The following ERCC6L2 variants were observed in gnomAD, a reference collection of about 807,000 sequenced individuals.
The protein encoded by ERCC6L2 is DNA excision repair protein ERCC-6-like 2.
Under a neutral mutation model 132.0 loss-of-function variants are expected in ERCC6L2, and 77 were observed. The observed-to-expected ratio is 0.58, with a 90% CI of 0.49 to 0.71. The LOEUF is 0.71. Ranked by LOEUF, ERCC6L2 falls within the 30% of genes least tolerant of loss-of-function variation. The probability of loss-of-function intolerance (pLI) is 0.00; values close to 1 mark genes in which losing one functional copy is unlikely to be tolerated. For synonymous variants in ERCC6L2, 583 were observed against 632.4 expected (o/e 0.92, Z 1.17); for missense variants, 1,542 against 1,837.6 (o/e 0.84, Z 2.94).
intron 13 of ERCC6L2, among the ~76,000 whole-genome samples, chr9:95,963,646 G>C (rs1430004574): frequency 6.6e-6 from 1 of 151,698 alleles, no homozygotes; most frequent in East Asian, 1.9e-4. Context: ...TTCCTTTCTG[G>C]TCCAGGGTTT....
At chr9:95,896,914 C>T (rs1416059328) in intron 2 of ERCC6L2, among the ~76,000 whole-genome samples, 1 of 152,056 alleles carries the variant, frequency 6.6e-6, no homozygotes, top group Admixed American at 6.6e-5. Context: ...GTTAAGTTTT[C>T]AGCTTTTATT....
chr9:95,907,311 G>T, intron 4 of ERCC6L2, 40 bp downstream of exon 4: 8 of 1,173,296 alleles, frequency 6.8e-6, no homozygotes, highest in East Asian at 2.6e-5. Context: ...TGTATTAATA[G>T]TCTACTTACA....
chr9:96,033,759 G>A (rs1834489094), intron 19 of ERCC6L2, among the ~76,000 whole-genome samples: 1 of 152,160 alleles, frequency 6.6e-6, no homozygotes, highest in South Asian at 2.1e-4. Flanking sequence ...GTTGTCATCT[G>A]GCAGATTTTT....
chr9:95,973,296 C>G (rs779417818), intron 16 of ERCC6L2, among the ~76,000 whole-genome samples: 6 of 152,144 alleles, frequency 3.9e-5, no homozygotes, highest in Admixed American at 2.0e-4. Context: ...AGGACCCCCT[C>G]CATGTGCCCA....
chr9:95,983,902 T>C (rs1687777638), intron 17 of ERCC6L2, among the ~76,000 whole-genome samples: 1 of 152,184 alleles, frequency 6.6e-6, no homozygotes, highest in South Asian at 2.1e-4. Flanking sequence ...TCGTGTTTTC[T>C]TGTGCTTTTC....
chr9:96,006,297 G>A (rs79761774), intron 18 of ERCC6L2, among the ~76,000 whole-genome samples: 4,576 of 152,310 alleles, frequency 0.03, 96 homozygotes, highest in East Asian at 0.13. Context: ...GTCCTGAAGT[G>A]CAGGAGTAGC....
At chr9:95,922,521 A>T (rs999730211) in intron 8 of ERCC6L2, 103 bp downstream of exon 8, 23 of 696,482 alleles carry the variant, frequency 3.3e-5, no homozygotes, top group Non-Finnish European at 4.1e-5. Context: ...GAAATTTAAG[A>T]GGAAACTGAT....
intron 3 of ERCC6L2, among the ~76,000 whole-genome samples, chr9:95,901,921 G>A (rs966811243): frequency 6.6e-6 from 1 of 152,132 alleles, no homozygotes; most frequent in Non-Finnish European, 1.5e-5. Context: ...TTAAAACAAT[G>A]TATGTTTTAA....
Position 95,902,115 on chromosome 9 carries a change from C to T in ERCC6L2, c.594+4144C>T, listed in dbSNP as rs1828810064. ...TATGTGTGTGTGATACGATACATCT[C>T]ATATACATTTAAAAACTTTTCAAGT... On this transcript the variant is annotated intron_variant, in intron 3 of 18. Coordinates refer to ENST00000653738, the MANE Select transcript of ERCC6L2 (RefSeq NM_020207.7). Among the ~76,000 whole-genome samples, 2 of 151,554 alleles carry T rather than the reference C, an allele frequency of 1.3e-5. 1 individual carries two copies. Among genetic ancestry groups the T allele is most frequent in the African/African-American group, 4.9e-5 (2 of 41,212 alleles).
intron 3 of ERCC6L2, among the ~76,000 whole-genome samples, chr9:95,902,017 T>A (rs974895269): frequency 1.3e-5 from 2 of 152,224 alleles, no homozygotes; most frequent in African/African-American, 4.8e-5. Context: ...TCTGAAAAAT[T>A]AATGTTGAAG....
chr9:96,021,023 G>A (rs1160897784), downstream of ERCC6L2: 2 of 455,248 alleles, frequency 4.4e-6, no homozygotes, highest in Non-Finnish European at 8.8e-6. The surrounding 1 kb of genome is among the most constrained non-coding windows in gnomAD (Gnocchi z 4.7). Context: ...AGTGTCGGGG[G>A]CTCGCAGCGC....
In ERCC6L2 at chr9:95,921,038, G is replaced by A. The variant is rs536005781; in HGVS notation, c.1159-137G>A. ...GATCCGCCCTCCTTGGCTTCCCAAA[G>A]TATTGGGATTACAGGCGTGAGCCTC... On this transcript the variant is annotated intron_variant, in intron 6 of 18. Coordinates refer to ENST00000653738, the MANE Select transcript of ERCC6L2 (RefSeq NM_020207.7). 4.1e-6 allele frequency: 3 copies of A among 734,738 alleles called. No individual in the cohort carries two copies. The East Asian group carries it at 9.5e-5, about 23-fold the overall frequency. The allele number at this position is 734,738 out of a possible 1,614,324, so 45.5% of individuals were successfully genotyped here.
intron 3 of ERCC6L2, chr9:95,906,510 G>A (rs1190158896): frequency 5.3e-6 from 2 of 375,480 alleles, no homozygotes; most frequent in Non-Finnish European, 1.0e-5. Flanking sequence ...ATATGGAAAT[G>A]AATATAGATA....
At chr9:96,026,778 A>ACAC (rs1210389547) in intron 19 of ERCC6L2, among the ~76,000 whole-genome samples, 1 of 63,044 alleles carries the variant, frequency 1.6e-5, no homozygotes, top group Non-Finnish European at 2.8e-5. Context: ...ACCACACACA[A>ACAC]ACACCACACA....
intron 17 of ERCC6L2, among the ~76,000 whole-genome samples, chr9:95,986,081 C>G (rs1046667342): frequency 1.3e-5 from 2 of 152,198 alleles, no homozygotes; most frequent in Non-Finnish European, 2.9e-5. Flanking sequence ...ACAGCTCTCC[C>G]CCAACTCTCC....
chr9:95,976,785 G>A (rs1476013645), intron 16 of ERCC6L2, among the ~76,000 whole-genome samples: 1 of 152,122 alleles, frequency 6.6e-6, no homozygotes, highest in Admixed American at 6.6e-5. Context: ...GATTTTAAGA[G>A]TTAGCATTGC....
intron 12 of ERCC6L2, among the ~76,000 whole-genome samples, chr9:95,951,493 A>T (rs1423670587): frequency 2.6e-5 from 4 of 152,186 alleles, no homozygotes; most frequent in African/African-American, 4.8e-5. Context: ...AAAACGACAG[A>T]GGCAATCAAT....
chr9:96,016,151 C>T lies in ERCC6L2; in HGVS notation c.*2948C>T, dbSNP rs1472003934. Reference sequence around the variant, plus strand: ...GGGTGGCCTCAAGCAAATCCCTTACCTCCTTTTAGCCTTAGTTTCCCCTTT... The same window carrying T: ...GGGTGGCCTCAAGCAAATCCCTTACTTCCTTTTAGCCTTAGTTTCCCCTTT... On this transcript the variant is annotated 3_prime_UTR_variant, in exon 19 of 19. Transcript: ENST00000653738. Among the ~76,000 whole-genome samples, 1 of 152,154 alleles carries T rather than the reference C, an allele frequency of 6.6e-6. No homozygotes were observed. The highest frequency in any genetic ancestry group is 6.5e-5 in the Admixed American group (1 of 15,280).
At chr9:95,877,140 G>T (rs1827316526) in intron 1 of ERCC6L2, 1 of 152,126 alleles carries the variant, frequency 6.6e-6, no homozygotes, top group Admixed American at 6.6e-5. Context: ...CAAAACAAAT[G>T]ATTTCGACTC....
Sources: gnomAD v4.1 joint callset for allele counts (sites outside exome capture counted in the v4.1 genomes callset) on GRCh38, gnomAD v4.1.1 for gene constraint, Gnocchi (gnomAD v3.1) non-coding constraint, MANE v1.5 for transcripts, NCBI Gene and HGNC (gene_info 2026-07-23, HGNC 2026-07-21) for gene names.